Variants in NAA15 observed in about 807,000 individuals in gnomAD.
NAA15 encodes N-alpha-acetyltransferase 15, NatA auxiliary subunit.
Under a neutral mutation model 114.0 loss-of-function variants are expected in NAA15, and 34 were observed. The ratio of observed to expected loss-of-function variants is 0.30; its 90% CI spans 0.23 to 0.40. The LOEUF is 0.40. Ranked by LOEUF, NAA15 falls within the 10% of genes least tolerant of loss-of-function variation. The probability of loss-of-function intolerance (pLI) is 1.00; values close to 1 mark genes in which losing one functional copy is unlikely to be tolerated. For synonymous variants in NAA15, 340 were observed against 338.0 expected (o/e 1.01, Z -0.06); for missense variants, 658 against 1,004.5 (o/e 0.66, Z 4.66).
At chr4:139,301,898 C>G in intron 1 of NAA15, 67 bp downstream of exon 1, 1 of 1,512,198 alleles carries the variant, frequency 6.6e-7, no homozygotes, top group Non-Finnish European at 9.0e-7. Context: ...TCACCCCTAA[C>G]CTCGGCCCGG....
chr4:139,360,032 T>TTTTAATTAA (rs1748083647), intron 12 of NAA15, 137 bp downstream of exon 12: 21 of 780,432 alleles, frequency 2.7e-5, no homozygotes, highest in Non-Finnish European at 4.0e-5. Context: ...TAAATCACTG[T>TTTTAATTAA]ATCAGAAGAT....
rs760053172 is a variant in NAA15, at chr4:139,301,750, GGCGGGAGCA to G, written c.-16_-8del. 339 of 1,557,558 alleles carry G rather than the reference GGCGGGAGCA, an allele frequency of 2.2e-4. 1 individual carries two copies. The East Asian group carries it at 6.6e-3, about 30-fold the overall frequency. On this transcript the variant is annotated 5_prime_UTR_variant, in exon 1 of 20. Transcript: ENST00000296543. ...AAACTGACTGACCGAGCCGGGTGGTGGCGGGAGCAGCGGGAGCAGCCGGAACGATGCCGG... is the reference window on the plus strand; with the variant it reads ...AAACTGACTGACCGAGCCGGGTGGTGGCGGGAGCAGCCGGAACGATGCCGG...
intron 1 of NAA15, among the ~76,000 whole-genome samples, chr4:139,316,513 G>T (rs1463884332): frequency 6.6e-6 from 1 of 151,830 alleles, no homozygotes; most frequent in Admixed American, 6.6e-5. Context: ...CATTTGAGGT[G>T]TTCTTTTATG....
At chr4:139,327,179 C>T (rs1235394878) in intron 1 of NAA15, among the ~76,000 whole-genome samples, 2 of 152,126 alleles carry the variant, frequency 1.3e-5, no homozygotes, top group East Asian at 1.9e-4. Context: ...TCAAGCAATC[C>T]TCCTACCTTG....
intron 1 of NAA15, among the ~76,000 whole-genome samples, chr4:139,320,646 G>C (rs1176722543): frequency 6.6e-6 from 1 of 152,148 alleles, no homozygotes; most frequent in African/African-American, 2.4e-5. Context: ...TCTGCCTCCT[G>C]AGCCGCTGGG....
intron 1 of NAA15, among the ~76,000 whole-genome samples, chr4:139,308,009 T>C (rs1434444325): frequency 2.6e-5 from 4 of 152,132 alleles, no homozygotes; most frequent in African/African-American, 9.7e-5. Context: ...TTGCCCAGGC[T>C]GGAGTGTAGT....
intron 5 of NAA15, among the ~76,000 whole-genome samples, chr4:139,343,300 A>G (rs74725160): frequency 0.011 from 1,625 of 152,306 alleles, 33 homozygotes; most frequent in African/African-American, 0.037. Flanking sequence ...ATAGTATTAT[A>G]GGGATAGATT....
intron 10 of NAA15, among the ~76,000 whole-genome samples, chr4:139,354,650 A>G (rs1277223912): frequency 6.6e-6 from 1 of 152,220 alleles, no homozygotes; most frequent in African/African-American, 2.4e-5. Context: ...AAACATCTAC[A>G]AAACTAAATG....
At chr4:139,349,640 T>G in intron 7 of NAA15, 59 bp downstream of exon 7, 1 of 1,474,808 alleles carries the variant, frequency 6.8e-7, no homozygotes, top group Non-Finnish European at 9.1e-7. Context: ...TATATTTTAT[T>G]TACTCATTGA....
At chr4:139,379,817 G>A (rs1579137883) in intron 17 of NAA15, among the ~76,000 whole-genome samples, 1 of 152,156 alleles carries the variant, frequency 6.6e-6, no homozygotes, top group Non-Finnish European at 1.5e-5. Flanking sequence ...GCCGAGGTGG[G>A]CGGATCACTT....
chr4:139,313,362 C>T (rs1746281023), intron 1 of NAA15, among the ~76,000 whole-genome samples: 1 of 151,608 alleles, frequency 6.6e-6, no homozygotes, highest in Non-Finnish European at 1.5e-5. Flanking sequence ...GTTTGAGGAC[C>T]AAGTTAGAAT....
At chr4:139,323,717 C>G (rs1286240437) in intron 1 of NAA15, among the ~76,000 whole-genome samples, 1 of 152,208 alleles carries the variant, frequency 6.6e-6, no homozygotes, top group Admixed American at 6.5e-5. Context: ...CCCTGCTTCT[C>G]TTCTGAAACG....
chr4:139,391,130 GA>G lies in NAA15; in HGVS notation c.*3049del, dbSNP rs1295036149. 6.6e-6 allele frequency: 1 copy of G among 152,178 alleles called. No individual in the cohort carries two copies. Among genetic ancestry groups the G allele is most frequent in the Admixed American group, 6.5e-5 (1 of 15,280 alleles). 9.4% of individuals were successfully genotyped at this position (152,178 alleles called of 1,614,324 possible). A position where few individuals can be genotyped will look rare whatever the true frequency, so the allele number is the denominator to read the frequency against. On this transcript the variant is annotated 3_prime_UTR_variant, in exon 20 of 20. Coordinates refer to ENST00000296543, the MANE Select transcript of NAA15 (RefSeq NM_057175.5). ...TGAAATGAATCTTTGAGATTTCAAA[GA>G]AAGACTGACCTTTCAAATAGAAGGC...
chr4:139,386,174 C>T lies in NAA15; in HGVS notation c.2344C>T (p.Arg782Ter), dbSNP rs1270628305. 1.2e-6 allele frequency: 2 copies of T among 1,610,196 alleles called. No individual in the cohort carries two copies. Among genetic ancestry groups the T allele is most frequent in the Non-Finnish European group, 8.5e-7 (1 of 1,178,040 alleles). The change falls in exon 19 of 20, where the codon CGA becomes TGA. Residue 782 changes from arginine to a stop codon, truncating the protein, a stop_gained. Coordinates refer to ENST00000296543, the MANE Select transcript of NAA15 (RefSeq NM_057175.5). LOFTEE classifies it high-confidence loss of function. ...TTACTTAGATCCTTCTAGTCAGAAG[C>T]GAGCTATAGAGTTGGCAACAACACT... ...VYYLDPSSQK[R>*]AIELATTLDE...
At chr4:139,342,710 A>G in intron 4 of NAA15, 116 bp from the exon 5 acceptor site, 1 of 888,386 alleles carries the variant, frequency 1.1e-6, no homozygotes, top group Non-Finnish European at 1.7e-6. Context: ...AGCCTCCCAA[A>G]GTGCTGGGAT....
At chr4:139,359,105 CAAAA>C (rs750787451) in intron 11 of NAA15, among the ~76,000 whole-genome samples, 1 of 135,040 alleles carries the variant, frequency 7.4e-6, no homozygotes, top group Non-Finnish European at 1.6e-5. Context: ...ACTCCCATCT[CAAAA>C]AAAAAAAAGA....
At position 139,351,594 on chromosome 4, in the gene NAA15, TACAAAG is replaced by T; in HGVS notation, c.1005_1010del (p.Asp335_Lys336del). The T allele has an allele frequency of 1.3e-6, 2 of 1,558,068 alleles. No homozygotes were observed. Among genetic ancestry groups the T allele is most frequent in the East Asian group, 2.2e-5 (1 of 44,540 alleles). ...AGTCTTCAATACTTTAAGATCATTA[TACAAAG>T]ACAAAGAAAAGGTAAAGTGAAATAT... On this transcript the variant is annotated inframe_deletion, in exon 9 of 20. Transcript: ENST00000296543.
intron 1 of NAA15, among the ~76,000 whole-genome samples, chr4:139,315,031 G>GTTTAGTTTAGT (rs1746353843): frequency 2.2e-5 from 1 of 46,142 alleles, no homozygotes; most frequent in African/African-American, 7.6e-5. Context: ...GTTAGGTTAG[G>GTTTAGTTTAGT]TTAGGTTAGG....
intron 1 of NAA15, among the ~76,000 whole-genome samples, chr4:139,314,734 G>A (rs1453195596): frequency 1.3e-5 from 2 of 151,868 alleles, no homozygotes; most frequent in Non-Finnish European, 2.9e-5. Flanking sequence ...CTGGAGTGCA[G>A]TCGCATGATC....
Sources: allele counts gnomAD v4.1 joint callset (sites outside exome capture counted in the v4.1 genomes callset), GRCh38; gene constraint gnomAD v4.1.1; transcripts MANE v1.5; gene names NCBI Gene and HGNC (gene_info 2026-07-23, HGNC 2026-07-21).